The following GARRE1 variants were observed in gnomAD, a reference collection of about 807,000 sequenced individuals.
GARRE1 encodes the protein granule associated Rac and RHOG effector 1, also known as granule associated Rac and RHOG effector protein 1.
In GARRE1, 49 loss-of-function variants were observed where a neutral mutation model predicts 103.2. The ratio of observed to expected loss-of-function variants is 0.47; its 90% CI spans 0.38 to 0.60. The LOEUF (loss-of-function observed/expected upper bound fraction) is 0.60. Among genes scored for constraint, GARRE1 ranks in the 20% least tolerant of loss-of-function variants. The pLI is 0.00. For synonymous variants in GARRE1, 505 were observed against 532.8 expected (o/e 0.95, Z 0.72); for missense variants, 1,199 against 1,370.5 (o/e 0.87, Z 1.98).
chr19:34,327,222 C>T (rs2074115763), intron 3 of GARRE1, among the ~76,000 whole-genome samples, 199 bp from the exon 4 acceptor site: 1 of 151,918 alleles, frequency 6.6e-6, no homozygotes, highest in African/African-American at 2.4e-5. Flanking sequence ...CCTTTCTCTT[C>T]AGGATGGTTA....
chr19:34,346,178 C>T (rs745438199), intron 10 of GARRE1, among the ~76,000 whole-genome samples: 2 of 152,144 alleles, frequency 1.3e-5, no homozygotes, highest in African/African-American at 2.4e-5. Flanking sequence ...TGGGATTGTG[C>T]CCTAGTATCT....
chr19:34,272,041 T>G (rs1386881740), intron 1 of GARRE1, among the ~76,000 whole-genome samples: 7 of 152,116 alleles, frequency 4.6e-5, no homozygotes, highest in Non-Finnish European at 1.0e-4. Flanking sequence ...TATGGAGCAG[T>G]TGCTGTAGAA....
intron 10 of GARRE1, among the ~76,000 whole-genome samples, chr19:34,347,374 G>C (rs2074216504): frequency 6.6e-6 from 1 of 152,136 alleles, no homozygotes; most frequent in African/African-American, 2.4e-5. Context: ...ACAGGCGTGA[G>C]CCACCGCGCC....
Position 34,273,070 on chromosome 19 carries a change from C to T in GARRE1, c.-796+18456C>T, listed in dbSNP as rs190642701. 9.9e-5 allele frequency among the ~76,000 whole-genome samples: 15 copies of T among 152,208 alleles called. No homozygotes were observed. In the East Asian group the frequency reaches 2.1e-3, roughly 22 times the overall value. On this transcript the variant is annotated intron_variant, in intron 1 of 13. Transcript: ENST00000299505. ...ACACAAAAATTAGCCAGGTGTGTGA[C>T]GCACACCTGTACTCCCAGCTACTTG...
intron 1 of GARRE1, among the ~76,000 whole-genome samples, chr19:34,288,483 G>A (rs546512204): frequency 2.0e-5 from 3 of 152,158 alleles, no homozygotes; most frequent in African/African-American, 4.8e-5. Flanking sequence ...AATTGCTTTC[G>A]TCTGGGCAGA....
intron 7 of GARRE1, among the ~76,000 whole-genome samples, chr19:34,330,820 C>T (rs970732507): frequency 8.6e-5 from 13 of 150,704 alleles, no homozygotes; most frequent in Non-Finnish European, 1.6e-4. Flanking sequence ...CTCAACTCGC[C>T]GCCTTCTGGG....
At chr19:34,314,671 C>T (rs1321811322) in intron 2 of GARRE1, among the ~76,000 whole-genome samples, 1 of 152,192 alleles carries the variant, frequency 6.6e-6, no homozygotes, top group Non-Finnish European at 1.5e-5. Flanking sequence ...CTTGCTTTCT[C>T]CCTCGTTTGT....
rs536583161 is a variant in GARRE1, at chr19:34,261,410, C to CT, written c.-796+6799dup. On this transcript the variant is annotated intron_variant, in intron 1 of 13. Coordinates refer to ENST00000299505, the MANE Select transcript of GARRE1 (RefSeq NM_014686.5). ...GGCCTCTGGTTCATACATCAGTTTT[C>CT]TTTGAGCTTAGATAGCCTAAATAAT... Among the ~76,000 whole-genome samples, 372 of 152,076 alleles carry CT rather than the reference C, an allele frequency of 2.4e-3. 2 individuals carry two copies. Among genetic ancestry groups the CT allele is most frequent in the Non-Finnish European group, 4.3e-3 (290 of 68,016 alleles).
intron 9 of GARRE1, 43 bp from the exon 10 acceptor site, chr19:34,341,379 A>G (rs1164968274): frequency 3.5e-5 from 50 of 1,431,480 alleles, no homozygotes; most frequent in Non-Finnish European, 4.4e-5. Flanking sequence ...ATTATTTTAT[A>G]TATTTGTCTT....
At position 34,300,611 on chromosome 19, in the gene GARRE1, A is replaced by G. The variant is rs760079039; in HGVS notation, c.138A>G (p.Ala46=). 6.2e-7 allele frequency: 1 copy of G among 1,613,580 alleles called. No homozygotes were observed. The highest frequency in any genetic ancestry group is 1.1e-5 in the South Asian group (1 of 91,084). The part of the protein sequence containing the change: ...ELGRALSAPL[A]STATTAPLGS... ...GCCGAGCACTGAGTGCTCCCCTGGC[A>G]TCCACGGCCACCACTGCCCCCCTGG... The change falls in exon 2 of 14, where the codon GCA becomes GCG. Residue 46 remains alanine (A), a synonymous_variant. Coordinates refer to ENST00000299505, the MANE Select transcript of GARRE1 (RefSeq NM_014686.5).
At chr19:34,306,536 A>G (rs1271818693) in intron 2 of GARRE1, among the ~76,000 whole-genome samples, 1 of 152,104 alleles carries the variant, frequency 6.6e-6, no homozygotes, top group African/African-American at 2.4e-5. Flanking sequence ...TGTCCAGTCT[A>G]TACTCACCAG....
chr19:34,312,649 G>A (rs963321102), intron 2 of GARRE1, among the ~76,000 whole-genome samples: 1 of 152,312 alleles, frequency 6.6e-6, no homozygotes, highest in African/African-American at 2.4e-5. Context: ...GGCTGTGGCC[G>A]GGCGCGGTGG....
In GARRE1 at chr19:34,351,593, G is replaced by A; in HGVS notation, c.2904+1G>A. 1 of 1,611,814 alleles carries A rather than the reference G, an allele frequency of 6.2e-7. No homozygotes were observed. On this transcript the variant is annotated splice_donor_variant, in intron 13 of 13. Transcript: ENST00000299505. LOFTEE classifies it high-confidence loss of function. ...CACCACGGTGGAGGATGTGAACCAG[G>A]TATTCAGGCAGGCTCTGTGGGCACA...
intron 1 of GARRE1, among the ~76,000 whole-genome samples, chr19:34,271,821 C>T (rs935049694): frequency 8.7e-5 from 13 of 149,872 alleles, no homozygotes; most frequent in Admixed American, 8.0e-4. Context: ...GGGCATGGAG[C>T]AAGTCTCAAA....
At chr19:34,330,107 TTGTATAAA>T in intron 6 of GARRE1, 74 bp from the exon 7 acceptor site, 1 of 1,208,142 alleles carries the variant, frequency 8.3e-7, no homozygotes, top group Non-Finnish European at 1.2e-6. Context: ...TTGAGGATGA[TTGTATAAA>T]TGCATTTTTA....
intron 1 of GARRE1, among the ~76,000 whole-genome samples, chr19:34,297,940 C>T (rs1009709400): frequency 6.6e-6 from 1 of 152,100 alleles, no homozygotes; most frequent in Admixed American, 6.6e-5. Context: ...CTTCTCATCT[C>T]TTGCCTTTGT....
At chr19:34,268,630 A>AT (rs111323105) in intron 1 of GARRE1, among the ~76,000 whole-genome samples, 2,209 of 148,334 alleles carry the variant, frequency 0.015, 24 homozygotes, top group South Asian at 0.024. Flanking sequence ...GTAATACTGG[A>AT]TTTTTTTTTT....
At chr19:34,263,057 A>G (rs766957871) in intron 1 of GARRE1, among the ~76,000 whole-genome samples, 1 of 152,024 alleles carries the variant, frequency 6.6e-6, no homozygotes, top group Non-Finnish European at 1.5e-5. Context: ...TACTAAAAAT[A>G]CAAAAATTAA....
chr19:34,348,191 C>G (rs1293667548), intron 11 of GARRE1, 149 bp downstream of exon 11: 1 of 649,376 alleles, frequency 1.5e-6, no homozygotes, highest in African/African-American at 1.9e-5. Context: ...GGGATGAAAT[C>G]TTTAGGGGTC....
Sources: gnomAD v4.1 joint callset for allele counts (sites outside exome capture counted in the v4.1 genomes callset) on GRCh38, gnomAD v4.1.1 for gene constraint, MANE v1.5 for transcripts, NCBI Gene and HGNC (gene_info 2026-07-23, HGNC 2026-07-21) for gene names.